The following PPP2R3B variants were observed in gnomAD, a reference collection of about 807,000 sequenced individuals.
The protein encoded by PPP2R3B is protein phosphatase 2 regulatory subunit B''beta.
In PPP2R3B, 68 loss-of-function variants were observed where a neutral mutation model predicts 72.9. The observed-to-expected ratio is 0.93, with a 90% CI of 0.77 to 1.14. The LOEUF (loss-of-function observed/expected upper bound fraction) is 1.14, where lower values mean the gene tolerates loss of function less well. Ranked by LOEUF, PPP2R3B falls within the 50% of genes most tolerant of loss-of-function variation. The pLI, the probability that PPP2R3B is intolerant of heterozygous loss-of-function variation, is 0.00. For synonymous variants in PPP2R3B, 466 were observed against 375.8 expected (o/e 1.24, Z -2.78); for missense variants, 1,018 against 842.0 (o/e 1.21, Z -2.59).
Position 334,136 on chromosome X carries a change from G to C in PPP2R3B, c.*231C>G. 4.7e-6 allele frequency: 2 copies of C among 423,552 alleles called. No homozygotes were observed. Among genetic ancestry groups the C allele is most frequent in the Non-Finnish European group, 8.1e-6 (2 of 246,750 alleles). The allele number at this position is 423,552 out of a possible 1,614,324, so 26.2% of individuals were successfully genotyped here. On this transcript the variant is annotated 3_prime_UTR_variant, in exon 13 of 13. Coordinates refer to ENST00000390665, the MANE Select transcript of PPP2R3B (RefSeq NM_013239.5). ...GAACGGCAAGCGCCAGAGGGTGTCCGTGTGGGAACCCGTCCCATTCACGCG... is the reference window on the plus strand; with the variant it reads ...GAACGGCAAGCGCCAGAGGGTGTCCCTGTGGGAACCCGTCCCATTCACGCG...
Position 386,445 on chromosome X carries a change from GC to G in PPP2R3B, c.246del (p.Leu83CysfsTer26). On this transcript the variant is annotated frameshift_variant, in exon 1 of 13. Coordinates refer to ENST00000390665, the MANE Select transcript of PPP2R3B (RefSeq NM_013239.5). LOFTEE classifies it high-confidence loss of function. ...GGGCTGGAGGCGGCGCCCAGGGGCA[GC>G]GCAGGGCCCGGCCCGGGGGTTCCCG... is the stretch of plus-strand genomic sequence containing the variant. Reference protein sequence around the residue: ...EPPGTPGPGPALPLGAASSPR... With the variant: ...EPPGTPGPGPXLPLGAASSPR... The G allele has an allele frequency of 7.6e-7, 1 of 1,318,408 alleles. No homozygotes were observed. The highest frequency in any genetic ancestry group is 3.1e-5 in the South Asian group (1 of 32,288). The allele number at this position is 1,318,408 out of a possible 1,614,324, so 81.7% of individuals were successfully genotyped here. A position where few individuals can be genotyped will look rare whatever the true frequency, so the allele number is the denominator to read the frequency against.
At chrX:346,432 CGGAAAG>C (rs1569386792) in intron 5 of PPP2R3B, 172 bp from the exon 6 acceptor site, 5 of 675,782 alleles carry the variant, frequency 7.4e-6, no homozygotes, top group Non-Finnish European at 1.2e-5. Flanking sequence ...CCCCAGGCCG[CGGAAAG>C]CGGGGAGGGT....
At chrX:341,448 C>A in intron 8 of PPP2R3B, 52 bp from the exon 9 acceptor site, 2 of 1,591,558 alleles carry the variant, frequency 1.3e-6, no homozygotes, top group Non-Finnish European at 1.7e-6. Context: ...GGGAGAGCTT[C>A]ACAGGAACGG....
intron 1 of PPP2R3B, among the ~76,000 whole-genome samples, chrX:362,945 A>G (rs1276818926): frequency 6.6e-6 from 1 of 151,428 alleles, no homozygotes; most frequent in African/African-American, 2.4e-5. Flanking sequence ...CAGGACCCTC[A>G]CCCCAGGTCA....
chrX:350,089 G>A (rs2071296684), intron 2 of PPP2R3B, among the ~76,000 whole-genome samples: 1 of 152,192 alleles, frequency 6.6e-6, no homozygotes. Flanking sequence ...GAGTCCCACT[G>A]CCCGGTTTCA....
At chrX:383,825 G>T (rs1329071618) in intron 1 of PPP2R3B, among the ~76,000 whole-genome samples, 5 of 103,938 alleles carry the variant, frequency 4.8e-5, no homozygotes, top group Non-Finnish European at 8.7e-5. Flanking sequence ...GGGACAGAGC[G>T]AGACTCCGTC....
rs757855748 is a variant in PPP2R3B, at chrX:341,937, A to G, written c.1037-6T>C. On this transcript the variant is annotated splice_polypyrimidine_tract_variant and splice_region_variant and intron_variant, in intron 7 of 12. Coordinates refer to ENST00000390665, the MANE Select transcript of PPP2R3B (RefSeq NM_013239.5). ...TATCATCTTGGTAGAAAGGGCTGGA[A>G]AGGAATGCGGTTGATGGGCAGCCCG... 6.2e-7 allele frequency: 1 copy of G among 1,612,644 alleles called. No individual in the cohort carries two copies. Among genetic ancestry groups the G allele is most frequent in the Non-Finnish European group, 8.5e-7 (1 of 1,179,750 alleles).
intron 2 of PPP2R3B, among the ~76,000 whole-genome samples, chrX:358,786 G>A (rs2071484229): frequency 6.6e-6 from 1 of 151,694 alleles, no homozygotes; most frequent in African/African-American, 2.4e-5. Flanking sequence ...GGGAAGCACC[G>A]CGGAGGGGGG....
chrX:362,081 G>A (rs1341834170), intron 1 of PPP2R3B, among the ~76,000 whole-genome samples: 1 of 152,134 alleles, frequency 6.6e-6, no homozygotes, highest in Non-Finnish European at 1.5e-5. Flanking sequence ...CATTCTGAGA[G>A]GCAGAGGCAG....
chrX:351,781 T>A (rs1020625990), intron 2 of PPP2R3B, among the ~76,000 whole-genome samples: 3 of 152,222 alleles, frequency 2.0e-5, no homozygotes, highest in African/African-American at 4.8e-5. Flanking sequence ...CAGTGCAGTC[T>A]CAACTTCACG....
intron 2 of PPP2R3B, among the ~76,000 whole-genome samples, chrX:359,135 G>A (rs1347055124): frequency 6.6e-6 from 1 of 152,162 alleles, no homozygotes; most frequent in Admixed American, 6.5e-5. Flanking sequence ...AGCCCGAGGC[G>A]CGCAGAGACC....
At chrX:341,528 C>T (rs1428831818) in intron 8 of PPP2R3B, 132 bp from the exon 9 acceptor site, 6 of 832,576 alleles carry the variant, frequency 7.2e-6, no homozygotes, top group African/African-American at 3.6e-5. Context: ...CCCTCCTGCC[C>T]CTCCTCCTGC....
chrX:386,246 G>A, intron 1 of PPP2R3B, 122 bp downstream of exon 1: 1 of 733,310 alleles, frequency 1.4e-6, no homozygotes, highest in Non-Finnish European at 1.9e-6. Context: ...GCGGGGAACA[G>A]ACTCAATATG....
At chrX:362,460 C>G (rs1311262539) in intron 1 of PPP2R3B, 1 of 152,726 alleles carries the variant, frequency 6.5e-6, no homozygotes, top group Non-Finnish European at 1.5e-5. Context: ...CCTCCTCCAA[C>G]TACCCAGGGA....
intron 2 of PPP2R3B, among the ~76,000 whole-genome samples, chrX:356,045 C>T (rs1418076745): frequency 3.3e-5 from 5 of 152,128 alleles, no homozygotes; most frequent in African/African-American, 9.7e-5. Flanking sequence ...GAAAGAAACA[C>T]GTAAGGTGGT....
intron 12 of PPP2R3B, 102 bp from the exon 13 acceptor site, chrX:334,619 G>C (rs1443050248): frequency 3.9e-6 from 5 of 1,298,048 alleles, no homozygotes; most frequent in Non-Finnish European, 5.0e-6. Flanking sequence ...TCCAGCACGA[G>C]ACAGTCCCCT....
chrX:347,985 G>T (rs1055926795), intron 2 of PPP2R3B: 3 of 416,760 alleles, frequency 7.2e-6, no homozygotes, highest in Non-Finnish European at 1.3e-5. Flanking sequence ...TGGAAATCAA[G>T]CGGCACGTAC....
At position 334,540 on chromosome X, in the gene PPP2R3B, A is replaced by C. The variant is rs184472096; in HGVS notation, c.1578-23T>G. The C allele has an allele frequency of 3.4e-4, 511 of 1,519,976 alleles. No homozygotes were observed. Among genetic ancestry groups the C allele is most frequent in the Middle Eastern group, 1.6e-3 (8 of 4,980 alleles). 94.2% of individuals were successfully genotyped at this position (1,519,976 alleles called of 1,614,324 possible). On this transcript the variant is annotated intron_variant, in intron 12 of 12. Coordinates refer to ENST00000390665, the MANE Select transcript of PPP2R3B (RefSeq NM_013239.5). ...AACCTGCAACGAGGGGATGGCGAAG[A>C]CGTGGCCAGCAGCGCGGAGCAGGCC...
At chrX:354,426 C>T (rs1412425409) in intron 2 of PPP2R3B, among the ~76,000 whole-genome samples, 3 of 152,274 alleles carry the variant, frequency 2.0e-5, no homozygotes, top group Non-Finnish European at 2.9e-5. Context: ...GCTGCCTTCA[C>T]ACTCAGACGT....
Sources: allele counts gnomAD v4.1 joint callset (sites outside exome capture counted in the v4.1 genomes callset), GRCh38; gene constraint gnomAD v4.1.1; transcripts MANE v1.5; gene names NCBI Gene and HGNC (gene_info 2026-07-23, HGNC 2026-07-21).